Variants in MVB12B observed in about 807,000 individuals in gnomAD.
MVB12B encodes the protein ESCRT-I complex subunit MVB12B.
Under a neutral mutation model 41.6 loss-of-function variants are expected in MVB12B, and 16 were observed. That is an observed-to-expected ratio of 0.38 (90% CI 0.26 to 0.58). MVB12B has a LOEUF of 0.58. Among genes scored for constraint, MVB12B ranks in the 20% least tolerant of loss-of-function variants. The probability of loss-of-function intolerance (pLI) is 0.62; values close to 1 mark genes in which losing one functional copy is unlikely to be tolerated. For synonymous variants in MVB12B, 133 were observed against 139.7 expected (o/e 0.95, Z 0.34); for missense variants, 274 against 380.2 (o/e 0.72, Z 2.32).
At chr9:126,477,680 A>G (rs1054516173) in intron 7 of MVB12B, among the ~76,000 whole-genome samples, 2 of 152,192 alleles carry the variant, frequency 1.3e-5, no homozygotes, top group African/African-American at 4.8e-5. Flanking sequence ...CCATGATTCA[A>G]TTACCTCCCA....
chr9:126,380,673 CG>C (rs1220525818), intron 2 of MVB12B, among the ~76,000 whole-genome samples: 2 of 152,200 alleles, frequency 1.3e-5, no homozygotes, highest in Non-Finnish European at 2.9e-5. Flanking sequence ...CCGCAGGCAG[CG>C]CCCCCTCAGG....
chr9:126,402,898 C>T (rs373220889), intron 6 of MVB12B, among the ~76,000 whole-genome samples: 3 of 152,210 alleles, frequency 2.0e-5, no homozygotes, highest in South Asian at 2.1e-4. Context: ...ACAAGGAGCA[C>T]GGACGTCAGC....
chr9:126,371,432 G>A (rs1184658760), intron 2 of MVB12B, among the ~76,000 whole-genome samples: 1 of 152,204 alleles, frequency 6.6e-6, no homozygotes, highest in Non-Finnish European at 1.5e-5. Flanking sequence ...GGCTCCCTTC[G>A]GCCATCAGGA....
At chr9:126,350,788 AT>A in intron 2 of MVB12B, among the ~76,000 whole-genome samples, 1 of 152,306 alleles carries the variant, frequency 6.6e-6, no homozygotes, top group Non-Finnish European at 1.5e-5. Flanking sequence ...TATCCACAGG[AT>A]TTTTTGAGGG....
chr9:126,408,658 C>T (rs1346287043), intron 6 of MVB12B, among the ~76,000 whole-genome samples: 2 of 152,102 alleles, frequency 1.3e-5, no homozygotes, highest in East Asian at 3.9e-4. Flanking sequence ...GCAGAAAGGT[C>T]TCTGGACCTA....
At chr9:126,371,803 G>A (rs1464752809) in intron 2 of MVB12B, among the ~76,000 whole-genome samples, 1 of 152,330 alleles carries the variant, frequency 6.6e-6, no homozygotes, top group Non-Finnish European at 1.5e-5. Flanking sequence ...ATAATAGTAA[G>A]TAGGTAACAT....
chr9:126,413,306 C>T (rs953771155), intron 6 of MVB12B, among the ~76,000 whole-genome samples: 2 of 152,136 alleles, frequency 1.3e-5, no homozygotes, highest in Non-Finnish European at 2.9e-5. Flanking sequence ...CTGTATCCAG[C>T]AGAGAGGCAA....
At chr9:126,476,909 A>C (rs1833434390) in intron 7 of MVB12B, among the ~76,000 whole-genome samples, 1 of 151,910 alleles carries the variant, frequency 6.6e-6, no homozygotes, top group African/African-American at 2.4e-5. Context: ...GTAAATCTAT[A>C]ATCTATGTAA....
intron 6 of MVB12B, among the ~76,000 whole-genome samples, chr9:126,399,700 G>T (rs1831215323): frequency 6.6e-6 from 1 of 152,192 alleles, no homozygotes; most frequent in Admixed American, 6.5e-5. Flanking sequence ...TGTGATAAGG[G>T]AATGGCTCTG....
intron 7 of MVB12B, among the ~76,000 whole-genome samples, chr9:126,465,842 C>A (rs993071750): frequency 9.9e-5 from 15 of 152,164 alleles, no homozygotes; most frequent in African/African-American, 3.4e-4. Context: ...CTAGAATAAT[C>A]AGCCCCATTT....
At position 126,340,628 on chromosome 9, in the gene MVB12B, G is replaced by C. The variant is rs766510440; in HGVS notation, c.202G>C (p.Val68Leu). The change falls in exon 2 of 10, where the codon GTA (valine) becomes CTA (leucine). Residue 68 changes from valine (V) to leucine (L), a missense_variant and splice_region_variant. Physicochemically the swap from Val to Leu is conservative, Grantham distance 32. Coordinates refer to ENST00000361171, the MANE Select transcript of MVB12B (RefSeq NM_033446.3). The surrounding 1 kb of genome is among the most constrained non-coding windows in gnomAD (Gnocchi z 4.0). Reference protein sequence around the residue: ...SRNRAPTGYDVVAQTADGVDA... With the variant: ...SRNRAPTGYDLVAQTADGVDA... ...GAACCGAGCCCCGACAGGCTATGAC[G>C]TAGTAAGTCAAGATACTAGTTTGTA... The C allele has an allele frequency of 6.2e-7, 1 of 1,613,754 alleles. No homozygotes were observed.
At chr9:126,455,068 T>G (rs1832954402) in intron 7 of MVB12B, among the ~76,000 whole-genome samples, 1 of 152,232 alleles carries the variant, frequency 6.6e-6, no homozygotes, top group Non-Finnish European at 1.5e-5. Flanking sequence ...ACCCTATTTC[T>G]AGGCCCCTTA....
chr9:126,423,158 AG>A (rs1240532172), intron 7 of MVB12B, among the ~76,000 whole-genome samples: 10 of 152,258 alleles, frequency 6.6e-5, no homozygotes, highest in Non-Finnish European at 1.0e-4. Context: ...GGTGCAGAAC[AG>A]GCCTGTGGAA....
chr9:126,390,482 C>T (rs371339762), intron 4 of MVB12B, among the ~76,000 whole-genome samples: 1 of 152,346 alleles, frequency 6.6e-6, no homozygotes, highest in Non-Finnish European at 1.5e-5. Context: ...CACAAACAAA[C>T]ACACACCTCC....
At chr9:126,366,740 G>T (rs1830192564) in intron 2 of MVB12B, among the ~76,000 whole-genome samples, 1 of 152,022 alleles carries the variant, frequency 6.6e-6, no homozygotes, top group Non-Finnish European at 1.5e-5. Flanking sequence ...ACCCTGCCCA[G>T]TTCCCACCCA....
Position 126,479,349 on chromosome 9 carries a change from C to T in MVB12B, c.758-2020C>T, listed in dbSNP as rs558670428. 1.3e-4 allele frequency among the ~76,000 whole-genome samples: 20 copies of T among 152,292 alleles called. No individual in the cohort carries two copies. The South Asian group carries it at 4.1e-3, about 32-fold the overall frequency. ...GCAGATGGTGGTGGGAGCTGGCACA[C>T]CTCTTCCTGGATATCCGGTGGGACT... is the stretch of plus-strand genomic sequence containing the variant. On this transcript the variant is annotated intron_variant, in intron 7 of 9. Coordinates refer to ENST00000361171, the MANE Select transcript of MVB12B (RefSeq NM_033446.3).
At chr9:126,377,892 T>G (rs903116943) in intron 2 of MVB12B, among the ~76,000 whole-genome samples, 1 of 152,226 alleles carries the variant, frequency 6.6e-6, no homozygotes, top group East Asian at 1.9e-4. Context: ...AGATGTCCCC[T>G]TTTTTGGTTT....
At chr9:126,350,345 C>A (rs1352220682) in intron 2 of MVB12B, among the ~76,000 whole-genome samples, 2 of 152,138 alleles carry the variant, frequency 1.3e-5, no homozygotes, top group Admixed American at 6.5e-5. Flanking sequence ...TTGATGAAGT[C>A]CAATTTATTA....
At chr9:126,399,783 A>G (rs1263211114) in intron 6 of MVB12B, among the ~76,000 whole-genome samples, 2 of 152,190 alleles carry the variant, frequency 1.3e-5, no homozygotes, top group African/African-American at 2.4e-5. Context: ...ATGGCTTGAT[A>G]AAGACATCAG....
Sources: gnomAD v4.1 joint callset for allele counts (sites outside exome capture counted in the v4.1 genomes callset) on GRCh38, gnomAD v4.1.1 for gene constraint, Gnocchi (gnomAD v3.1) non-coding constraint, MANE v1.5 for transcripts, NCBI Gene and HGNC (gene_info 2026-07-23, HGNC 2026-07-21) for gene names.